Variants in PARD3 observed in about 807,000 individuals in gnomAD.
The protein encoded by PARD3 is par-3 family cell polarity regulator.
Under a neutral mutation model 155.4 loss-of-function variants are expected in PARD3, and 75 were observed. That is an observed-to-expected ratio of 0.48 (90% CI 0.40 to 0.58). PARD3 has a LOEUF of 0.58. Ranked by LOEUF, PARD3 falls within the 20% of genes least tolerant of loss-of-function variation. The pLI, the probability that PARD3 is intolerant of heterozygous loss-of-function variation, is 0.00. For synonymous variants in PARD3, 576 were observed against 610.5 expected (o/e 0.94, Z 0.83); for missense variants, 1,642 against 1,721.7 (o/e 0.95, Z 0.82).
chr10:34,756,977 C>T (rs2133988621), intron 1 of PARD3, among the ~76,000 whole-genome samples: 1 of 152,164 alleles, frequency 6.6e-6, no homozygotes, highest in African/African-American at 2.4e-5. Context: ...TACTGTCATC[C>T]CCCTAAAAAA....
At chr10:34,809,227 A>G (rs887790135) in intron 1 of PARD3, among the ~76,000 whole-genome samples, 3 of 152,206 alleles carry the variant, frequency 2.0e-5, no homozygotes, top group Non-Finnish European at 4.4e-5. Flanking sequence ...TTTTTGTGTG[A>G]GAGCAGTGTA....
At chr10:34,289,810 T>TA (rs1956586562) in intron 20 of PARD3, among the ~76,000 whole-genome samples, 3 of 152,198 alleles carry the variant, frequency 2.0e-5, no homozygotes. Flanking sequence ...AATAATGCGT[T>TA]ACAAATGAGA....
At chr10:34,500,329 G>A (rs900096296) in intron 3 of PARD3, among the ~76,000 whole-genome samples, 1 of 152,236 alleles carries the variant, frequency 6.6e-6, no homozygotes, top group Admixed American at 6.5e-5. Context: ...TTTCAAAATC[G>A]AAAGAAGAAA....
At chr10:34,511,879 C>T (rs2081418495) in intron 3 of PARD3, among the ~76,000 whole-genome samples, 1 of 152,152 alleles carries the variant, frequency 6.6e-6, no homozygotes, top group Non-Finnish European at 1.5e-5. Flanking sequence ...TCACACACCA[C>T]CATGCCCACC....
intron 23 of PARD3, among the ~76,000 whole-genome samples, chr10:34,130,274 T>C (rs1947536411): frequency 6.6e-6 from 1 of 152,116 alleles, no homozygotes; most frequent in African/African-American, 2.4e-5. Context: ...AATCCTTCCT[T>C]GAGCTATACT....
At chr10:34,623,505 G>C (rs561098373) in intron 2 of PARD3, among the ~76,000 whole-genome samples, 1 of 152,276 alleles carries the variant, frequency 6.6e-6, no homozygotes, top group Non-Finnish European at 1.5e-5. Context: ...CTCTGGATCA[G>C]AGTGTTTTAC....
intron 4 of PARD3, among the ~76,000 whole-genome samples, chr10:34,463,356 GGGGA>G (rs1326186687): frequency 2.6e-5 from 3 of 114,972 alleles, no homozygotes; most frequent in African/African-American, 1.1e-4. Flanking sequence ...GGAAGGGGAA[GGGGA>G]GGGGAGGGGA....
chr10:34,247,394 T>C (rs1426642812), intron 22 of PARD3, among the ~76,000 whole-genome samples: 1 of 151,952 alleles, frequency 6.6e-6, no homozygotes, highest in Admixed American at 6.6e-5. Context: ...GCCAGCTATT[T>C]AGGAGACTGA....
At chr10:34,591,964 T>C (rs1158720790) in intron 2 of PARD3, among the ~76,000 whole-genome samples, 2 of 152,132 alleles carry the variant, frequency 1.3e-5, no homozygotes, top group Non-Finnish European at 2.9e-5. Flanking sequence ...ACAAGGGAGA[T>C]TAGCAACGAC....
At chr10:34,322,587 T>C (rs560917555) in intron 19 of PARD3, among the ~76,000 whole-genome samples, 2 of 152,326 alleles carry the variant, frequency 1.3e-5, no homozygotes, top group East Asian at 3.9e-4. Flanking sequence ...GCAATTTTAC[T>C]AGATTTAAAT....
intron 2 of PARD3, among the ~76,000 whole-genome samples, chr10:34,551,377 T>C (rs1208894060): frequency 6.6e-6 from 1 of 152,182 alleles, no homozygotes; most frequent in Non-Finnish European, 1.5e-5. Context: ...TAAAGTCATA[T>C]ACAACATACA....
chr10:34,170,490 CT>C (rs1949735882), intron 22 of PARD3, among the ~76,000 whole-genome samples: 1 of 152,126 alleles, frequency 6.6e-6, no homozygotes, highest in African/African-American at 2.4e-5. Flanking sequence ...AGAGACTACC[CT>C]GGGGAAGACT....
intron 5 of PARD3, among the ~76,000 whole-genome samples, chr10:34,403,619 T>C (rs759880901): frequency 2.0e-5 from 3 of 152,296 alleles, no homozygotes; most frequent in South Asian, 2.1e-4. Flanking sequence ...GCTTTGTGGA[T>C]GGTGGAGCTC....
At chr10:34,584,194 T>C (rs1445480083) in intron 2 of PARD3, among the ~76,000 whole-genome samples, 1 of 152,208 alleles carries the variant, frequency 6.6e-6, no homozygotes, top group Non-Finnish European at 1.5e-5. Flanking sequence ...CCCACCATTA[T>C]TGCTTTAGAG....
chr10:34,406,592 A>G (rs919958746), intron 5 of PARD3, among the ~76,000 whole-genome samples: 3 of 152,070 alleles, frequency 2.0e-5, no homozygotes, highest in Admixed American at 6.6e-5. Flanking sequence ...GGGTCTTGCT[A>G]TGTTGCCCAG....
intron 2 of PARD3, among the ~76,000 whole-genome samples, chr10:34,670,179 C>T (rs1276716350): frequency 6.6e-6 from 1 of 152,248 alleles, no homozygotes; most frequent in African/African-American, 2.4e-5. Flanking sequence ...CATTTGGCGG[C>T]TAGCCTCCCA....
At chr10:34,383,147 T>A (rs942166248) in intron 8 of PARD3, among the ~76,000 whole-genome samples, 4 of 152,152 alleles carry the variant, frequency 2.6e-5, no homozygotes, top group Non-Finnish European at 4.4e-5. Context: ...AATAGAAAAA[T>A]TATCTACAAC....
At chr10:34,494,098 A>G (rs961000793) in intron 3 of PARD3, among the ~76,000 whole-genome samples, 3 of 152,224 alleles carry the variant, frequency 2.0e-5, no homozygotes, top group South Asian at 4.1e-4. Context: ...GAACCCACAC[A>G]AATTCCCTAC....
At position 34,200,247 on chromosome 10, in the gene PARD3, A is replaced by G. The variant is rs1257092441; in HGVS notation, c.3420-68664T>C. On this transcript the variant is annotated intron_variant, in intron 22 of 24. Transcript: ENST00000374788. ...AGCTTATAGACTTTAAGTAACTGGT[A>G]TAATGTCACCTAGCTAATTAGAGGC... Among the ~76,000 whole-genome samples the G allele has an allele frequency of 2.0e-5, 3 of 152,184 alleles. No homozygotes were observed. The East Asian group carries it at 5.8e-4, about 29-fold the overall frequency.
Sources: gnomAD v4.1 joint callset for allele counts (sites outside exome capture counted in the v4.1 genomes callset) on GRCh38, gnomAD v4.1.1 for gene constraint, MANE v1.5 for transcripts, NCBI Gene and HGNC (gene_info 2026-07-23, HGNC 2026-07-21) for gene names.